EVPL: variants seen among roughly 807,000 people sequenced by gnomAD.
EVPL encodes envoplakin.
In EVPL, 94 loss-of-function variants were observed where a neutral mutation model predicts 129.7. The observed-to-expected ratio is 0.72, with a 90% confidence interval of 0.61 to 0.86. The LOEUF is 0.86. EVPL is among the 40% of genes least tolerant of loss of function. EVPL has a pLI of 0.00. For synonymous variants in EVPL, 1,172 were observed against 1,191.1 expected (o/e 0.98, Z 0.33); for missense variants, 2,625 against 2,721.1 (o/e 0.96, Z 0.79).
rs187547420 is a variant in EVPL, at chr17:76,007,020, G to A, written c.*83C>T. On this transcript the variant is annotated 3_prime_UTR_variant, in exon 22 of 22. Transcript: ENST00000301607. This position sits in a 1 kb window ranked among gnomAD's most constrained non-coding sequence, Gnocchi z 8.8. ...GGACAGAGGGAAGACCCACTGCCTG[G>A]GATGAGGCTGCTCTGAGGCAAGAGG... The A allele has an allele frequency of 7.7e-4, 977 of 1,276,336 alleles. 7 individuals are homozygous for A. The Middle Eastern group carries it at 8.7e-3, about 11-fold the overall frequency. 79.1% of individuals were successfully genotyped at this position (1,276,336 alleles called of 1,614,324 possible). A position where few individuals can be genotyped will look rare whatever the true frequency, so the allele number is the denominator to read the frequency against.
rs559509052 is a variant in EVPL, at chr17:76,013,913, G to A, written c.2373+513C>T. On this transcript the variant is annotated intron_variant, in intron 18 of 21. Transcript: ENST00000301607. This position sits in a 1 kb window ranked among gnomAD's most constrained non-coding sequence, Gnocchi z 4.3. ...GCCTGTGTGGTCTGCCCATCTGGTC[G>A]CCCTCGCCCCTGAGTCCCCCTCCTT... Among the ~76,000 whole-genome samples, 4 of 152,126 alleles carry A rather than the reference G, an allele frequency of 2.6e-5. No individual in the cohort carries two copies. Among genetic ancestry groups the A allele is most frequent in the East Asian group, 3.9e-4 (2 of 5,172 alleles).
At chr17:76,014,895 C>A (rs1355736749) in intron 17 of EVPL, 21 bp downstream of exon 17, 1 of 1,566,142 alleles carries the variant, frequency 6.4e-7, no homozygotes. Flanking sequence ...CACCCTGTGC[C>A]CCGAGGACCC....
rs1335158364 is a variant in EVPL at position 76,010,407 on chromosome 17, T to G, written c.2798A>C (p.His933Pro). The change falls in exon 22 of 22, where the codon CAT becomes CCT. Residue 933 changes from histidine to proline, a missense_variant. Physicochemically the swap from His to Pro is moderately conservative, Grantham distance 77. Coordinates refer to ENST00000301607, the MANE Select transcript of EVPL (RefSeq NM_001988.4). The stretch of plus-strand genomic sequence containing the variant: ...TTGGCTCCTCTGCGCCTCCAGCTCA[T>G]GCTGCACCCGGGCCACCCGCTTCCT... ...EERKRVARVQ[H>P]ELEAQRSQLL... The G allele has an allele frequency of 4.3e-6, 7 of 1,613,942 alleles. No homozygotes were observed. Among genetic ancestry groups the G allele is most frequent in the Non-Finnish European group, 5.9e-6 (7 of 1,179,998 alleles).
chr17:76,014,913 C>A lies in EVPL; in HGVS notation c.2222+3G>T. 1 of 1,576,304 alleles carries A rather than the reference C, an allele frequency of 6.3e-7. No homozygotes were observed. The highest frequency in any genetic ancestry group is 8.6e-7 in the Non-Finnish European group (1 of 1,158,794). On this transcript the variant is annotated splice_donor_region_variant and intron_variant, in intron 17 of 21. Transcript: ENST00000301607. ...CCTGTGCCCCGAGGACCCAGTCGCT[C>A]ACCGCAGGTCCAGCTGGTCCCCTAC...
At position 76,008,100 on chromosome 17, in the gene EVPL, G is replaced by A; in HGVS notation, c.5105C>T (p.Ala1702Val). The A allele has an allele frequency of 6.2e-7, 1 of 1,614,066 alleles. No individual in the cohort carries two copies. The highest frequency in any genetic ancestry group is 8.5e-7 in the Non-Finnish European group (1 of 1,180,008). ...ETGKDMSPYE[A>V]YKRGIIDRGQ... ...CCTGTCGATGATGCCCCTCTTGTAG[G>A]CCTCGTATGGGGACATGTCCTTCCC... Residue 1702 changes from alanine to valine, a missense_variant, in exon 22 of 22, where the codon GCC becomes GTC. Ala to Val is a moderately conservative substitution (Grantham distance 64). Transcript: ENST00000301607. The surrounding 1 kb of genome is among the most constrained non-coding windows in gnomAD (Gnocchi z 7.4).
chr17:76,009,683 G>T lies in EVPL; in HGVS notation c.3522C>A (p.Ser1174Arg). ...CCACGCTGTACTTGCTGTGCAGGTC[G>T]CTCAGCTCCCTGGCCAGCGTCGCGT... ...TKNATLAREL[S>R]DLHSKYSVVE... is the part of the protein sequence containing the mutation. The change falls in exon 22 of 22, where the codon AGC becomes AGA. Residue 1174 changes from serine (S) to arginine (R), a missense_variant. By Grantham distance (110) the Ser-to-Arg change is moderately radical. Around this residue, in one of 4 missense-constraint regions of EVPL, gnomAD observed 1,453 missense variants for 1,511.8 expected, o/e 0.96. Coordinates refer to ENST00000301607, the MANE Select transcript of EVPL (RefSeq NM_001988.4). This position sits in a 1 kb window ranked among gnomAD's most constrained non-coding sequence, Gnocchi z 5.9. 1 of 1,613,352 alleles carries T rather than the reference G, an allele frequency of 6.2e-7. No individual in the cohort carries two copies. The highest frequency in any genetic ancestry group is 8.5e-7 in the Non-Finnish European group (1 of 1,180,018).
Position 76,009,553 on chromosome 17 carries a change from G to A in EVPL, c.3652C>T (p.Gln1218Ter). ...CCGCTCCTCTTGCCCGCCATCTCCT[G>A]CAGCTTGGCCTTGAGCCGAGTGATC... ...QEITRLKAKL[Q>*]EMAGKRSGVE... is the part of the protein sequence containing the mutation. Residue 1218 changes from glutamine to a stop codon, truncating the protein, a stop_gained, in exon 22 of 22, where the codon CAG becomes TAG. Coordinates refer to ENST00000301607, the MANE Select transcript of EVPL (RefSeq NM_001988.4). LOFTEE classifies it low-confidence loss of function (END_TRUNC). This position sits in a 1 kb window ranked among gnomAD's most constrained non-coding sequence, Gnocchi z 5.9. 2 of 1,614,016 alleles carry A rather than the reference G, an allele frequency of 1.2e-6. No homozygotes were observed. Among genetic ancestry groups the A allele is most frequent in the Middle Eastern group, 1.6e-4 (1 of 6,062 alleles).
Position 76,008,065 on chromosome 17 carries a change from A to C in EVPL, c.5140T>G (p.Leu1714Val). The part of the protein sequence containing the change: ...KRGIIDRGQY[L>V]QLQELECDWE... ...TCACACTCGAGCTCCTGCAGCTGCAAGTACTGGCCCCTGTCGATGATGCCC... is the reference window on the plus strand; with the variant it reads ...TCACACTCGAGCTCCTGCAGCTGCACGTACTGGCCCCTGTCGATGATGCCC... Residue 1714 changes from leucine (L) to valine (V), a missense_variant, in exon 22 of 22, where the codon TTG becomes GTG. By Grantham distance (32) the Leu-to-Val change is conservative (BLOSUM62 1). Coordinates refer to ENST00000301607, the MANE Select transcript of EVPL (RefSeq NM_001988.4). The surrounding 1 kb of genome is among the most constrained non-coding windows in gnomAD (Gnocchi z 7.4). 6.2e-7 allele frequency: 1 copy of C among 1,613,932 alleles called. No individual in the cohort carries two copies. The highest frequency in any genetic ancestry group is 2.2e-5 in the East Asian group (1 of 44,864).
intron 18 of EVPL, 127 bp from the exon 19 acceptor site, chr17:76,012,216 G>A: frequency 1.5e-6 from 1 of 654,550 alleles, no homozygotes; most frequent in African/African-American, 1.8e-5. Context: ...GGCAGGGAGG[G>A]AGACCTGGGC....
rs1393671254 is a variant in EVPL at position 76,009,781 on chromosome 17, CCTT to C, written c.3421_3423del (p.Lys1141del). ...TGGAGGAGCCCTGGGTCCTGCTCCA[CCTT>C]CTTCACCTCCTTCACGATGACCTTG... is the stretch of plus-strand genomic sequence containing the variant. On this transcript the variant is annotated inframe_deletion, in exon 22 of 22. Transcript: ENST00000301607. This position sits in a 1 kb window ranked among gnomAD's most constrained non-coding sequence, Gnocchi z 5.9. 58 of 1,613,762 alleles carry C rather than the reference CCTT, an allele frequency of 3.6e-5. No homozygotes were observed. The highest frequency in any genetic ancestry group is 4.8e-5 in the Non-Finnish European group (57 of 1,180,008).
chr17:76,026,236 G>A (rs80092780), intron 1 of EVPL, among the ~76,000 whole-genome samples: 9,054 of 139,614 alleles, frequency 0.065, 907 homozygotes, highest in African/African-American at 0.22. Context: ...GAGGTATTGC[G>A]CCAGGATTTT....
At position 76,014,532 on chromosome 17, in the gene EVPL, T is replaced by C. The variant is rs188704457; in HGVS notation, c.2267A>G (p.Lys756Arg). Residue 756 changes from lysine to arginine, a missense_variant, in exon 18 of 22, where the codon AAG becomes AGG. Lys to Arg is a conservative substitution (Grantham distance 26). Transcript: ENST00000301607. ...QDAALTYQQF[K>R]NCKDNLSSWL... ...GGAGCTCAGGTTATCCTTGCAGTTC[T>C]TGAACTGCTGGTAGGTGAGGGCGGC... 13 of 1,611,870 alleles carry C rather than the reference T, an allele frequency of 8.1e-6. No individual in the cohort carries two copies. Among genetic ancestry groups the C allele is most frequent in the Middle Eastern group, 1.7e-4 (1 of 6,036 alleles).
rs775910738 is a variant in EVPL, at chr17:76,017,889, G to A, written c.1560C>T (p.Ala520=). ...TCAGGAGCTTCTGGGCCTGTGGGTTGGCCAGGTCTGAGCCAGATGGAGCTG... is the reference window on the plus strand; with the variant it reads ...TCAGGAGCTTCTGGGCCTGTGGGTTAGCCAGGTCTGAGCCAGATGGAGCTG... The part of the protein sequence containing the change: ...SQQAPSGSDL[A]NPQAQKLLTQ... The change falls in exon 14 of 22, where the codon GCC becomes GCT. Residue 520 remains alanine, a synonymous_variant. Coordinates refer to ENST00000301607, the MANE Select transcript of EVPL (RefSeq NM_001988.4). 1 of 1,614,080 alleles carries A rather than the reference G, an allele frequency of 6.2e-7. No homozygotes were observed. Among genetic ancestry groups the A allele is most frequent in the East Asian group, 2.2e-5 (1 of 44,888 alleles).
Position 76,007,103 on chromosome 17 carries a change from T to G in EVPL, c.6102A>C (p.Ter2034CysextTer47). The G allele has an allele frequency of 6.9e-7, 1 of 1,454,980 alleles. No individual in the cohort carries two copies. The highest frequency in any genetic ancestry group is 9.1e-7 in the Non-Finnish European group (1 of 1,102,708). 90.1% of individuals were successfully genotyped at this position (1,454,980 alleles called of 1,614,324 possible). A position where few individuals can be genotyped will look rare whatever the true frequency, so the allele number is the denominator to read the frequency against. The change falls in exon 22 of 22, where the codon TGA (stop) becomes TGC (cysteine). Residue 2034 changes from the stop codon to cysteine (C), a stop_lost. Transcript: ENST00000301607. This position sits in a 1 kb window ranked among gnomAD's most constrained non-coding sequence, Gnocchi z 8.8. ...ASPTVPRSLR* is the reference protein window; with the variant it reads ...ASPTVPRSLRC Reference sequence around the variant, plus strand: ...TTCCCCACTGGCTCCTTGGCCCGTGTCAGCGAAGGGAGCGCGGGACGGTGG... The same window carrying G: ...TTCCCCACTGGCTCCTTGGCCCGTGGCAGCGAAGGGAGCGCGGGACGGTGG...
intron 11 of EVPL, 122 bp from the exon 12 acceptor site, chr17:76,018,722 G>A: frequency 8.1e-7 from 1 of 1,237,166 alleles, no homozygotes; most frequent in Non-Finnish European, 1.1e-6. Context: ...ACAAGAGTAG[G>A]GTGGGAGGTG....
chr17:76,023,871 CGT>C (rs759123118), intron 2 of EVPL, 148 bp downstream of exon 2: 30 of 1,221,330 alleles, frequency 2.5e-5, no homozygotes, highest in Non-Finnish European at 3.1e-5. Context: ...TCTCTCCCAC[CGT>C]GTGTTAGGGG....
In EVPL at chr17:76,009,090, A is replaced by C; in HGVS notation, c.4115T>G (p.Val1372Gly). ...CTTCTGGGTGACCACCACCTCCTGC[A>C]CCACCACCTTCTCCTCGGGCTTCCT... is the stretch of plus-strand genomic sequence containing the variant. Reference protein sequence around the residue: ...ERRKPEEKVVVQEVVVTQKDP... With the variant: ...ERRKPEEKVVGQEVVVTQKDP... Residue 1372 changes from valine to glycine, a missense_variant, in exon 22 of 22, where the codon GTG becomes GGG. Val to Gly is a moderately radical substitution (Grantham distance 109). Transcript: ENST00000301607. This position sits in a 1 kb window ranked among gnomAD's most constrained non-coding sequence, Gnocchi z 5.9. The C allele has an allele frequency of 2.5e-6, 4 of 1,612,926 alleles. No homozygotes were observed. The highest frequency in any genetic ancestry group is 3.4e-6 in the Non-Finnish European group (4 of 1,179,438).
At chr17:76,012,404 C>T (rs1220501599) in intron 18 of EVPL, 14 of 259,760 alleles carry the variant, frequency 5.4e-5, no homozygotes, top group Admixed American at 1.5e-4. Context: ...AAGCGATTTT[C>T]ATGCCTCAGC....
In EVPL at chr17:76,010,190, G is replaced by A. The variant is rs754413174; in HGVS notation, c.3015C>T (p.Ser1005=). ...VAAQKVVQLE[S]KRKTMQPHLL... ...GATGAGGCTGCATGGTCTTCCTCTTGCTTTCCAGCTGCACGACCTTCTGGG... is the reference window on the plus strand; with the variant it reads ...GATGAGGCTGCATGGTCTTCCTCTTACTTTCCAGCTGCACGACCTTCTGGG... Residue 1005 remains serine (S), a synonymous_variant, in exon 22 of 22, where the codon AGC becomes AGT. Transcript: ENST00000301607. 2 of 1,614,054 alleles carry A rather than the reference G, an allele frequency of 1.2e-6. No homozygotes were observed. The highest frequency in any genetic ancestry group is 1.7e-6 in the Non-Finnish European group (2 of 1,180,036).
Sources: gnomAD v4.1 joint callset for allele counts (sites outside exome capture counted in the v4.1 genomes callset) on GRCh38, gnomAD v4.1.1 for gene constraint, gnomAD v4.1.1 regional missense constraint, Gnocchi (gnomAD v3.1) non-coding constraint, MANE v1.5 for transcripts, NCBI Gene and HGNC (gene_info 2026-07-23, HGNC 2026-07-21) for gene names.